Variants in XPO5 observed in about 807,000 individuals in gnomAD.
XPO5 encodes exportin 5.
XPO5 carries 46 observed loss-of-function variants against 160.6 expected under a neutral mutation model. The observed-to-expected ratio is 0.29, with a 90% CI of 0.23 to 0.37. XPO5 has a LOEUF of 0.37. XPO5 is among the 10% of genes least tolerant of loss of function. XPO5 has a pLI of 1.00. For missense variants in XPO5, 1,090 were observed against 1,463.9 expected, an observed-to-expected ratio of 0.74 and a Z score of 4.17; for synonymous variants, 537 against 519.3, an observed-to-expected ratio of 1.03 and a Z score of -0.46.
At chr6:43,561,749 C>A (rs1416605613) in intron 9 of XPO5, 1 of 153,430 alleles carries the variant, frequency 6.5e-6, no homozygotes, top group East Asian at 1.9e-4. Flanking sequence ...GATATAACAT[C>A]AATTGCAAAT....
At chr6:43,552,020 T>G (rs1376145495) in intron 14 of XPO5, among the ~76,000 whole-genome samples, 1 of 152,218 alleles carries the variant, frequency 6.6e-6, no homozygotes, top group Non-Finnish European at 1.5e-5. Flanking sequence ...TAAAACCTCT[T>G]AAATTTTGTA....
At chr6:43,526,881 A>G in intron 26 of XPO5, 134 bp from the exon 27 acceptor site, 3 of 834,474 alleles carry the variant, frequency 3.6e-6, no homozygotes, top group Non-Finnish European at 5.9e-6. Context: ...TCCAAGGCAC[A>G]AGAATTAGCT....
At chr6:43,539,647 C>T in intron 20 of XPO5, 1 of 1,284,138 alleles carries the variant, frequency 7.8e-7, no homozygotes, top group African/African-American at 1.5e-5. Context: ...CGCGGTTCCC[C>T]ATCCCAGGGC....
intron 3 of XPO5, among the ~76,000 whole-genome samples, chr6:43,571,979 C>G (rs1402770461): frequency 1.3e-5 from 2 of 152,078 alleles, no homozygotes; most frequent in Non-Finnish European, 1.5e-5. Flanking sequence ...TATTTAATCC[C>G]CTCTGCCCTG....
At position 43,526,097 on chromosome 6, in the gene XPO5, T is replaced by C; in HGVS notation, c.2984-176A>G. 8.1e-6 allele frequency: 5 copies of C among 617,336 alleles called. No homozygotes were observed. In the South Asian group the frequency reaches 1.0e-4, roughly 13 times the overall value. The allele number at this position is 617,336 out of a possible 1,614,324, so 38.2% of individuals were successfully genotyped here. ...ATGCCCATGCCCATGGCTGATCTTC[T>C]AGAGATGCACTCAAGCTGTACATGA... On this transcript the variant is annotated intron_variant, in intron 27 of 31. Transcript: ENST00000265351.
chr6:43,547,530 TA>T, intron 19 of XPO5, 77 bp downstream of exon 19: 1 of 1,361,680 alleles, frequency 7.3e-7, no homozygotes, highest in Non-Finnish European at 1.0e-6. Context: ...AAAACAAATC[TA>T]TGAGAAACTT....
chr6:43,568,561 A>C (rs928844420), intron 6 of XPO5, 150 bp downstream of exon 6: 12 of 586,760 alleles, frequency 2.0e-5, no homozygotes, highest in Non-Finnish European at 2.8e-5. Flanking sequence ...AGCTGAGACC[A>C]CACAACTGCA....
rs1429623371 is a variant in XPO5, at chr6:43,533,846, A to G, written c.2443+61T>C. The G allele has an allele frequency of 3.0e-6, 4 of 1,311,770 alleles. No homozygotes were observed. In the Admixed American group the frequency reaches 7.8e-5, roughly 26 times the overall value. The allele number at this position is 1,311,770 out of a possible 1,614,324, so 81.3% of individuals were successfully genotyped here. On this transcript the variant is annotated intron_variant, in intron 21 of 31. Transcript: ENST00000265351. ...ACTATGACTCTTAAAAAACAACAAA[A>G]AAAGGGGACATCCATTAGGGATAAG...
intron 20 of XPO5, chr6:43,539,650 C>CCCAGGGCCA (rs1423053013): frequency 8.7e-6 from 11 of 1,258,802 alleles, no homozygotes; most frequent in Non-Finnish European, 1.1e-5. Context: ...GGTTCCCCAT[C>CCCAGGGCCA]CCAGGGCCAC....
Position 43,528,854 on chromosome 6 carries a change from C to T in XPO5, c.2749G>A (p.Gly917Arg), listed in dbSNP as rs370480839. ...ATATGGAGGTAGGTGAAAAGAGGTCCGAGGATGGGGGATACCAGGGCTTCA... is the reference window on the plus strand; with the variant it reads ...ATATGGAGGTAGGTGAAAAGAGGTCTGAGGATGGGGGATACCAGGGCTTCA... ...HYEALVSPIL[G>R]PLFTYLHMRL... Residue 917 changes from glycine (G) to arginine (R), a missense_variant, in exon 24 of 32, where the codon GGA becomes AGA. Gly to Arg is a moderately radical substitution (Grantham distance 125). Around this residue, in one of 3 missense-constraint regions of XPO5, gnomAD observed 810 missense variants for 1,139.0 expected, o/e 0.71. Coordinates refer to ENST00000265351, the MANE Select transcript of XPO5 (RefSeq NM_020750.3). 16 of 1,613,676 alleles carry T rather than the reference C, an allele frequency of 9.9e-6. No individual in the cohort carries two copies. Among genetic ancestry groups the T allele is most frequent in the African/African-American group, 1.3e-5 (1 of 74,884 alleles).
At chr6:43,536,758 TAAAAAA>T (rs1156884252) in intron 20 of XPO5, among the ~76,000 whole-genome samples, 12 of 19,098 alleles carry the variant, frequency 6.3e-4, no homozygotes, top group African/African-American at 2.4e-3. Context: ...AGACTCTATC[TAAAAAA>T]AAAAAAAAAA....
intron 20 of XPO5, among the ~76,000 whole-genome samples, chr6:43,542,464 C>T (rs916250733): frequency 1.3e-5 from 2 of 151,848 alleles, no homozygotes; most frequent in African/African-American, 4.8e-5. Context: ...GGCTGGAGTA[C>T]GGTAACATGA....
At chr6:43,547,455 T>G (rs897489268) in intron 19 of XPO5, 153 bp downstream of exon 19, 1 of 730,894 alleles carries the variant, frequency 1.4e-6, no homozygotes, top group East Asian at 2.7e-5. Context: ...AATTCAAGAC[T>G]AAAGAAGAAA....
chr6:43,557,171 A>C (rs1160288722), intron 12 of XPO5, among the ~76,000 whole-genome samples: 1 of 145,592 alleles, frequency 6.9e-6, no homozygotes, highest in African/African-American at 2.6e-5. Context: ...TTACGCCTGT[A>C]ATCCTAGTAC....
rs760647754 is a variant in XPO5 at position 43,575,909 on chromosome 6, ACCACGAGGCACGACAGCT to A, written c.-63_-46del. 6.3e-7 allele frequency: 1 copy of A among 1,587,316 alleles called. No individual in the cohort carries two copies. The highest frequency in any genetic ancestry group is 1.4e-5 in the African/African-American group (1 of 74,064). On this transcript the variant is annotated 5_prime_UTR_variant, in exon 1 of 32. Coordinates refer to ENST00000265351, the MANE Select transcript of XPO5 (RefSeq NM_020750.3). ...GAGCGCACACCACTGCAGTCCCGGG[ACCACGAGGCACGACAGCT>A]CCCTCGGCGAGACCACCCGTTGGTA...
intron 26 of XPO5, 23 bp downstream of exon 26, chr6:43,527,611 C>T (rs759050729): frequency 1.2e-6 from 2 of 1,612,588 alleles, no homozygotes; most frequent in Non-Finnish European, 1.7e-6. Context: ...CCTCTATAGC[C>T]CCAGTTTCGA....
intron 12 of XPO5, among the ~76,000 whole-genome samples, chr6:43,557,009 T>A (rs918628007): frequency 6.6e-6 from 1 of 151,564 alleles, no homozygotes; most frequent in African/African-American, 2.4e-5. Flanking sequence ...ATGCCTATAA[T>A]CCCAGTTACT....
intron 20 of XPO5, among the ~76,000 whole-genome samples, chr6:43,536,758 TAAAAAAAAAAAAAAAAAA>T (rs1156884252): frequency 1.6e-4 from 3 of 19,082 alleles, no homozygotes; most frequent in African/African-American, 2.4e-4. Context: ...AGACTCTATC[TAAAAAAAAAAAAAAAAAA>T]AAAAAAAAAA....
chr6:43,560,265 G>C lies in XPO5; in HGVS notation c.1134C>G (p.Leu378=). 1 of 1,612,140 alleles carries C rather than the reference G, an allele frequency of 6.2e-7. No individual in the cohort carries two copies. The highest frequency in any genetic ancestry group is 8.5e-7 in the Non-Finnish European group (1 of 1,179,090). Residue 378 remains leucine (L), a synonymous_variant, in exon 11 of 32, where the codon CTC becomes CTG. Coordinates refer to ENST00000265351, the MANE Select transcript of XPO5 (RefSeq NM_020750.3). ...CACGGGACAGGATTTCATGCCTGAA[G>C]AGGGCTCCCCAAGTCATCTGAGTTG... ...RSSTQMTWGA[L]FRHEILSRDP...
Sources: allele counts gnomAD v4.1 joint callset (sites outside exome capture counted in the v4.1 genomes callset), GRCh38; gene constraint gnomAD v4.1.1; regional missense constraint gnomAD v4.1.1; transcripts MANE v1.5; gene names NCBI Gene and HGNC (gene_info 2026-07-23, HGNC 2026-07-21).